Variants in INSC observed in about 807,000 individuals in gnomAD.
The protein encoded by INSC is INSC spindle orientation adaptor protein.
Under a neutral mutation model 58.6 loss-of-function variants are expected in INSC, and 67 were observed. The ratio of observed to expected loss-of-function variants is 1.14; its 90% confidence interval spans 0.94 to 1.40. The LOEUF is 1.40. Ranked by LOEUF, INSC falls within the 40% of genes most tolerant of loss-of-function variation. INSC has a pLI of 0.00. For synonymous variants in INSC, 262 were observed against 276.1 expected (o/e 0.95, Z 0.51); for missense variants, 714 against 692.0 (o/e 1.03, Z -0.36).
rs199686458 is a variant in INSC at position 15,245,921 on chromosome 11, C to T, written c.1480C>T (p.Arg494Cys). The change falls in exon 13 of 13, where the codon CGT (arginine) becomes TGT (cysteine). Residue 494 changes from arginine (R) to cysteine (C), a missense_variant. Arg to Cys is a radical substitution (Grantham distance 180). Coordinates refer to ENST00000379556, the MANE Select transcript of INSC (RefSeq NM_001042536.3). Reference protein sequence around the residue: ...AVLVACLAALRRLAGVCPEGL... With the variant: ...AVLVACLAALCRLAGVCPEGL... ...TCTGTCTTCTCCCCAGGCTGCTCTG[C>T]GTAGATTGGCTGGGGTCTGCCCTGA... The T allele has an allele frequency of 2.9e-4, 470 of 1,614,104 alleles. No homozygotes were observed. The highest frequency in any genetic ancestry group is 3.5e-4 in the Non-Finnish European group (418 of 1,179,944).
chr11:15,169,951 A>G (rs1268512249), intron 2 of INSC, among the ~76,000 whole-genome samples: 1 of 152,196 alleles, frequency 6.6e-6, no homozygotes, highest in Admixed American at 6.5e-5. Context: ...CTTGGCATCC[A>G]TGAGAGATTG....
chr11:15,157,563 G>C (rs1044264021), intron 2 of INSC, among the ~76,000 whole-genome samples: 6 of 152,200 alleles, frequency 3.9e-5, no homozygotes, highest in Non-Finnish European at 5.9e-5. Context: ...TGTGTAATCA[G>C]ACTTTTCATA....
At chr11:15,178,744 C>G (rs980019784) in intron 5 of INSC, among the ~76,000 whole-genome samples, 3 of 152,152 alleles carry the variant, frequency 2.0e-5, no homozygotes, top group African/African-American at 7.2e-5. Flanking sequence ...CCCAGCATCT[C>G]CCAATTCTAC....
chr11:15,166,273 A>G (rs1451259608), intron 2 of INSC, among the ~76,000 whole-genome samples: 1 of 152,194 alleles, frequency 6.6e-6, no homozygotes, highest in Non-Finnish European at 1.5e-5. Context: ...AATTGGGGCA[A>G]TGGTTTCTAA....
chr11:15,114,449 C>T (rs1847642434), upstream of INSC, among the ~76,000 whole-genome samples: 1 of 152,154 alleles, frequency 6.6e-6, no homozygotes, highest in Admixed American at 6.5e-5. Context: ...TGGGTGGCTT[C>T]CTCCTTCCTA....
chr11:15,230,447 A>C (rs1014985339), intron 9 of INSC, among the ~76,000 whole-genome samples: 4 of 152,168 alleles, frequency 2.6e-5, no homozygotes, highest in Non-Finnish European at 4.4e-5. Context: ...CACTATCATA[A>C]GAATAGCACC....
intron 2 of INSC, among the ~76,000 whole-genome samples, chr11:15,166,153 A>G (rs570690711): frequency 1.3e-5 from 2 of 152,224 alleles, no homozygotes; most frequent in South Asian, 4.2e-4. Flanking sequence ...AGAATATTCT[A>G]TGTTGGTTCC....
chr11:15,215,947 G>A (rs4757301), intron 7 of INSC, among the ~76,000 whole-genome samples: 41,421 of 152,042 alleles, frequency 0.27, 6,494 homozygotes, highest in East Asian at 0.74. Context: ...TGGGGTTGAG[G>A]TGCCCGTGGA....
At chr11:15,224,742 TG>T (rs1210540145) in intron 8 of INSC, among the ~76,000 whole-genome samples, 1 of 152,136 alleles carries the variant, frequency 6.6e-6, no homozygotes, top group Non-Finnish European at 1.5e-5. Context: ...GTGGAGCCCA[TG>T]GGGGATGTGT....
intron 1 of INSC, among the ~76,000 whole-genome samples, chr11:15,134,080 C>T (rs187817570): frequency 6.6e-6 from 1 of 152,260 alleles, no homozygotes; most frequent in Admixed American, 6.5e-5. Flanking sequence ...TATTGAAGCT[C>T]TCTGGGTCAC....
chr11:15,112,925 C>T (rs904228092), upstream of INSC, among the ~76,000 whole-genome samples: 8 of 152,048 alleles, frequency 5.3e-5, no homozygotes, highest in African/African-American at 1.9e-4. Flanking sequence ...CCCCAATGTA[C>T]ATATGGGAAA....
intron 2 of INSC, among the ~76,000 whole-genome samples, chr11:15,158,952 C>T (rs1848918071): frequency 6.9e-6 from 1 of 144,982 alleles, no homozygotes; most frequent in Admixed American, 7.2e-5. Flanking sequence ...AGCCTCAGCT[C>T]CTAGAACAGG....
chr11:15,251,228 C>T (rs1379569386), downstream of INSC, among the ~76,000 whole-genome samples: 1 of 152,200 alleles, frequency 6.6e-6, no homozygotes, highest in African/African-American at 2.4e-5. Context: ...AACTGGAAAG[C>T]TACATTATGC....
chr11:15,256,445 C>T, the INSC span, among the ~76,000 whole-genome samples: 205 of 151,556 alleles, frequency 1.4e-3, 1 homozygote, highest in African/African-American at 4.5e-3. Context: ...AGCCTCTTAT[C>T]AGGTTGGCAC....
intron 2 of INSC, among the ~76,000 whole-genome samples, chr11:15,164,933 T>A (rs1849144392): frequency 6.6e-6 from 1 of 152,208 alleles, no homozygotes; most frequent in South Asian, 2.1e-4. Context: ...CCTTCTGCTA[T>A]GATTGTGAGG....
At chr11:15,255,396 T>C in the INSC span, among the ~76,000 whole-genome samples, 1 of 152,006 alleles carries the variant, frequency 6.6e-6, no homozygotes, top group Non-Finnish European at 1.5e-5. Context: ...ATAATGAAAA[T>C]AAAAGTCCTG....
intron 1 of INSC, 57 bp downstream of exon 1, chr11:15,115,060 TAGTTGGGAAC>T (rs762178136): frequency 3.1e-6 from 3 of 962,054 alleles, no homozygotes; most frequent in Non-Finnish European, 3.7e-6. Context: ...TCTGCTAGCC[TAGTTGGGAAC>T]AGTGCAGGTT....
chr11:15,264,632 T>A, the INSC span, among the ~76,000 whole-genome samples: 1 of 149,974 alleles, frequency 6.7e-6, no homozygotes. Flanking sequence ...TGTATCTCTA[T>A]TCTGCTGCGG....
intron 5 of INSC, among the ~76,000 whole-genome samples, chr11:15,180,247 G>A (rs1278481048): frequency 6.6e-6 from 1 of 151,956 alleles, no homozygotes; most frequent in Non-Finnish European, 1.5e-5. Context: ...AACAGAGTGA[G>A]ACTCCGTCTC....
Sources: allele counts gnomAD v4.1 joint callset (sites outside exome capture counted in the v4.1 genomes callset), GRCh38; gene constraint gnomAD v4.1.1; transcripts MANE v1.5; gene names NCBI Gene and HGNC (gene_info 2026-07-23, HGNC 2026-07-21).